Variants in ERBB2 observed in about 807,000 individuals in gnomAD.
ERBB2 encodes the protein receptor tyrosine-protein kinase erbB-2.
Under a neutral mutation model 149.0 loss-of-function variants are expected in ERBB2, and 61 were observed. The ratio of observed to expected loss-of-function variants is 0.41; its 90% CI spans 0.33 to 0.51. The LOEUF (loss-of-function observed/expected upper bound fraction) is 0.51. Ranked by LOEUF, ERBB2 falls within the 20% of genes least tolerant of loss-of-function variation. The pLI, the probability that ERBB2 is intolerant of heterozygous loss-of-function variation, is 0.25. For missense variants in ERBB2, 1,205 were observed against 1,655.1 expected (o/e 0.73, Z 4.72); for synonymous variants, 633 against 678.8 (o/e 0.93, Z 1.05).
intron 1 of ERBB2, chr17:39,703,363 C>G (rs1280976363): frequency 6.6e-6 from 1 of 152,228 alleles, no homozygotes; most frequent in African/African-American, 2.4e-5. Context: ...AGAAGCCCCT[C>G]TAGAGTGACA....
chr17:39,715,985 C>T (rs2145663569), intron 12 of ERBB2, 46 bp downstream of exon 12: 2 of 1,566,070 alleles, frequency 1.3e-6, no homozygotes, highest in Non-Finnish European at 1.7e-6. Flanking sequence ...TGCCAGCACA[C>T]AGCAGTGCCC....
At chr17:39,715,179 G>A in intron 9 of ERBB2, 107 bp from the exon 10 acceptor site, 2 of 914,292 alleles carry the variant, frequency 2.2e-6, no homozygotes, top group East Asian at 2.6e-5. Flanking sequence ...GATGGGCAAA[G>A]GGTTTGAGTG....
At chr17:39,704,699 C>T (rs2058320269) in intron 1 of ERBB2, among the ~76,000 whole-genome samples, 1 of 152,102 alleles carries the variant, frequency 6.6e-6, no homozygotes, top group African/African-American at 2.4e-5. Context: ...GCCAGCAAGC[C>T]TCCAGTTCCC....
rs755980905 is a variant in ERBB2 at position 39,728,521 on chromosome 17, GT to G, written c.*482del. 2.2e-4 allele frequency: 53 copies of G among 237,450 alleles called. No individual in the cohort carries two copies. Among genetic ancestry groups the G allele is most frequent in the Non-Finnish European group, 3.9e-4 (47 of 121,080 alleles). 14.7% of individuals were successfully genotyped at this position (237,450 alleles called of 1,614,324 possible). A position where few individuals can be genotyped will look rare whatever the true frequency, so the allele number is the denominator to read the frequency against. On this transcript the variant is annotated 3_prime_UTR_variant, in exon 27 of 27. Coordinates refer to ENST00000269571, the MANE Select transcript of ERBB2 (RefSeq NM_004448.4). ...TTTGTACAGAGTGCTTTTCTGTTTAGTTTTTACTTTTTTTGTTTTGTTTTTT... is the reference window on the plus strand; with the variant it reads ...TTTGTACAGAGTGCTTTTCTGTTTAGTTTTACTTTTTTTGTTTTGTTTTTT...
chr17:39,690,672 G>T (rs958625647), upstream of ERBB2, among the ~76,000 whole-genome samples: 5 of 152,150 alleles, frequency 3.3e-5, no homozygotes, highest in African/African-American at 1.2e-4. Context: ...CAACTTTCTA[G>T]CCTGGAGCCC....
chr17:39,688,185 C>T (rs1260607367), exon 1 of ERBB2: 2 of 533,690 alleles, frequency 3.7e-6, no homozygotes, highest in East Asian at 3.5e-5. Flanking sequence ...CGTCCCCCTG[C>T]TGTGTCCATA....
At chr17:39,697,355 T>TG (rs1567890265), upstream of ERBB2, among the ~76,000 whole-genome samples, 2 of 125,086 alleles carry the variant, frequency 1.6e-5, no homozygotes, top group Admixed American at 1.6e-4. Context: ...TTTTGTTTTG[T>TG]TTTTTTTTTT....
upstream of ERBB2, among the ~76,000 whole-genome samples, chr17:39,694,171 G>A (rs2057772761): frequency 1.8e-5 from 2 of 113,490 alleles, no homozygotes; most frequent in Admixed American, 2.2e-4. Flanking sequence ...TCCAGCCTGG[G>A]TGACAGTGAG....
intron 1 of ERBB2, among the ~76,000 whole-genome samples, chr17:39,704,935 G>A (rs114620979): frequency 0.016 from 2,502 of 152,218 alleles, 74 homozygotes; most frequent in African/African-American, 0.058. Flanking sequence ...TTATGTTGGC[G>A]TGGGGTGTGG....
intron 3 of ERBB2, among the ~76,000 whole-genome samples, chr17:39,708,871 G>A (rs373440267): frequency 2.0e-5 from 3 of 152,264 alleles, no homozygotes; most frequent in East Asian, 3.9e-4. Flanking sequence ...TGCTTTGCCC[G>A]CATGGCCCAT....
chr17:39,716,471 A>T (rs763811677), intron 13 of ERBB2, 38 bp downstream of exon 13: 2 of 1,613,468 alleles, frequency 1.2e-6, no homozygotes, highest in African/African-American at 2.7e-5. Flanking sequence ...GGAGGGGTGC[A>T]TGGGGCTCCT....
intron 4 of ERBB2, among the ~76,000 whole-genome samples, 172 bp downstream of exon 4, chr17:39,709,624 C>T (rs2058675440): frequency 1.3e-5 from 2 of 152,208 alleles, no homozygotes; most frequent in Admixed American, 1.3e-4. Context: ...CTCTGGGGTT[C>T]TCTGTCTTGT....
Position 39,710,091 on chromosome 17 carries a change from C to T in ERBB2, c.649C>T (p.Arg217Cys), listed in dbSNP as rs768151310. 3.3e-5 allele frequency: 53 copies of T among 1,606,402 alleles called. No homozygotes were observed. The highest frequency in any genetic ancestry group is 2.7e-4 in the Admixed American group (16 of 59,948). Residue 217 changes from arginine to cysteine, a missense_variant, in exon 6 of 27, where the codon CGC becomes TGC. By Grantham distance (180) the Arg-to-Cys change is radical. Transcript: ENST00000269571. ...TCCTGCCCTTTGCCCAACAGTGACGCGCACTGTCTGTGCCGGTGGCTGTGC... is the reference window on the plus strand; with the variant it reads ...TCCTGCCCTTTGCCCAACAGTGACGTGCACTGTCTGTGCCGGTGGCTGTGC... The part of the protein sequence containing the change: ...ESSEDCQSLT[R>C]TVCAGGCARC...
intron 1 of ERBB2, among the ~76,000 whole-genome samples, chr17:39,706,427 C>T (rs546948176): frequency 5.8e-4 from 88 of 152,316 alleles, no homozygotes; most frequent in African/African-American, 1.9e-3. Context: ...ACCAGAGCCC[C>T]GGTTGTCCCA....
At chr17:39,691,866 GATAGATATAGATATAGAT>G (rs1257738808), upstream of ERBB2, among the ~76,000 whole-genome samples, 1 of 128,884 alleles carries the variant, frequency 7.8e-6, no homozygotes, top group South Asian at 2.5e-4. Context: ...AAACCTTCAT[GATAGATATAGATATAGAT>G]ATAGATATAG....
upstream of ERBB2, among the ~76,000 whole-genome samples, chr17:39,694,210 AAAAAAAAAAAAAAAAAAT>A (rs2057777539): frequency 2.0e-5 from 1 of 50,900 alleles, no homozygotes; most frequent in African/African-American, 9.9e-5. Flanking sequence ...AAAAAAAAAA[AAAAAAAAAAAAAAAAAAT>A]ATATATATAT....
At position 39,716,393 on chromosome 17, in the gene ERBB2, C is replaced by T. The variant is rs2059127314; in HGVS notation, c.1606C>T (p.Arg536Trp). 1.2e-6 allele frequency: 2 copies of T among 1,608,562 alleles called. No homozygotes were observed. Among genetic ancestry groups the T allele is most frequent in the Non-Finnish European group, 1.7e-6 (2 of 1,176,098 alleles). Reference protein sequence around the residue: ...TQCVNCSQFLRGQECVEECRV... With the variant: ...TQCVNCSQFLWGQECVEECRV... Reference sequence around the variant, plus strand: ...GTGTGTCAACTGCAGCCAGTTCCTTCGGGGCCAGGAGTGCGTGGAGGAATG... The same window carrying T: ...GTGTGTCAACTGCAGCCAGTTCCTTTGGGGCCAGGAGTGCGTGGAGGAATG... The change falls in exon 13 of 27, where the codon CGG (arginine) becomes TGG (tryptophan). Residue 536 changes from arginine (R) to tryptophan (W), a missense_variant. Coordinates refer to ENST00000269571, the MANE Select transcript of ERBB2 (RefSeq NM_004448.4).
At chr17:39,715,239 G>GTCCA in intron 9 of ERBB2, 47 bp from the exon 10 acceptor site, 1 of 1,528,182 alleles carries the variant, frequency 6.5e-7, no homozygotes, top group Non-Finnish European at 9.1e-7. Context: ...TGGGAGTGAT[G>GTCCA]TCCACCCTGT....
upstream of ERBB2, chr17:39,695,304 G>C (rs2057833868): frequency 1.3e-5 from 2 of 152,236 alleles, no homozygotes; most frequent in Admixed American, 1.3e-4. Context: ...CAGGGTCAGA[G>C]TGTCTGGCAA....
Sources: allele counts gnomAD v4.1 joint callset (sites outside exome capture counted in the v4.1 genomes callset), GRCh38; gene constraint gnomAD v4.1.1; transcripts MANE v1.5; gene names NCBI Gene and HGNC (gene_info 2026-07-23, HGNC 2026-07-21).